The following GMDS variants were observed in gnomAD, a reference collection of about 807,000 sequenced individuals.
The protein encoded by GMDS is GDP-mannose 4,6 dehydratase.
Under a neutral mutation model 49.9 loss-of-function variants are expected in GMDS, and 20 were observed. The ratio of observed to expected loss-of-function variants is 0.40; its 90% CI spans 0.28 to 0.58. The LOEUF (loss-of-function observed/expected upper bound fraction) is 0.58, where lower values mean the gene tolerates loss of function less well. GMDS is among the 20% of genes least tolerant of loss of function. GMDS has a pLI of 0.42. For synonymous variants in GMDS, 177 were observed against 178.6 expected (o/e 0.99, Z 0.07); for missense variants, 362 against 481.4 (o/e 0.75, Z 2.32).
chr6:1,973,159 A>G (rs552155770), intron 4 of GMDS, among the ~76,000 whole-genome samples: 2 of 152,378 alleles, frequency 1.3e-5, no homozygotes, highest in Non-Finnish European at 2.9e-5. Flanking sequence ...CATCATTGCT[A>G]CATAACCAAT....
Position 1,624,147 on chromosome 6 carries a change from G to A in GMDS, c.*22C>T, listed in dbSNP as rs745537117. The A allele has an allele frequency of 2.5e-6, 4 of 1,601,970 alleles. No homozygotes were observed. Among genetic ancestry groups the A allele is most frequent in the South Asian group, 1.1e-5 (1 of 90,998 alleles). On this transcript the variant is annotated 3_prime_UTR_variant, in exon 11 of 11. Coordinates refer to ENST00000380815, the MANE Select transcript of GMDS (RefSeq NM_001500.4). ...TCTGCGGGGATTGTAGCCGGAGGGC[G>A]GGCCGGGCTCCGAGGCGCTGCTCAG... is the stretch of plus-strand genomic sequence containing the variant.
intron 9 of GMDS, among the ~76,000 whole-genome samples, chr6:1,716,562 G>A (rs565379781): frequency 6.6e-6 from 1 of 152,330 alleles, no homozygotes; most frequent in African/African-American, 2.4e-5. Flanking sequence ...GCTTGGAGGT[G>A]AGGCGGTGAA....
intron 1 of GMDS, among the ~76,000 whole-genome samples, chr6:2,210,320 C>T (rs1194081669): frequency 6.6e-6 from 1 of 152,198 alleles, no homozygotes; most frequent in African/African-American, 2.4e-5. Flanking sequence ...GCATAATGCA[C>T]ATAAAATACT....
chr6:1,704,673 G>C (rs141283274), intron 9 of GMDS, among the ~76,000 whole-genome samples: 10 of 152,186 alleles, frequency 6.6e-5, no homozygotes, highest in Non-Finnish European at 1.2e-4. Flanking sequence ...TGTGTAATAC[G>C]TACGCGGTAA....
chr6:1,846,321 G>A (rs542164372), intron 7 of GMDS, among the ~76,000 whole-genome samples: 280 of 151,928 alleles, frequency 1.8e-3, no homozygotes, highest in Non-Finnish European at 3.3e-3. Flanking sequence ...TTGAACTCCT[G>A]GGCTCAAGTG....
intron 9 of GMDS, among the ~76,000 whole-genome samples, chr6:1,723,970 A>AAGAATATTCTCACCCCTGAGGC (rs372943279): frequency 2.4e-4 from 37 of 152,334 alleles, no homozygotes; most frequent in African/African-American, 8.2e-4. Flanking sequence ...TTTCAACTGG[A>AAGAATATTCTCACCCCTGAGGC]AGAATATTCT....
intron 4 of GMDS, among the ~76,000 whole-genome samples, chr6:2,101,371 A>G (rs1035835880): frequency 6.6e-5 from 10 of 152,042 alleles, no homozygotes; most frequent in African/African-American, 2.4e-4. Context: ...GCTTTTCAGA[A>G]GAAAAAACAC....
At chr6:1,920,895 A>C (rs1408949524) in intron 7 of GMDS, among the ~76,000 whole-genome samples, 2 of 152,140 alleles carry the variant, frequency 1.3e-5, no homozygotes, top group African/African-American at 4.8e-5. Context: ...TTAGTGTAAG[A>C]ATTTTCTTAC....
At chr6:1,985,897 G>A (rs1174555556) in intron 4 of GMDS, among the ~76,000 whole-genome samples, 2 of 152,100 alleles carry the variant, frequency 1.3e-5, no homozygotes, top group East Asian at 3.8e-4. Flanking sequence ...GAGGAAAATG[G>A]GCAAGTCAGA....
At chr6:1,782,604 T>A (rs1769147593) in intron 7 of GMDS, among the ~76,000 whole-genome samples, 1 of 152,254 alleles carries the variant, frequency 6.6e-6, no homozygotes, top group Non-Finnish European at 1.5e-5. Flanking sequence ...TGGATAGACA[T>A]GCCTCATGGC....
chr6:2,155,868 C>A (rs1034226779), intron 1 of GMDS, among the ~76,000 whole-genome samples: 1 of 151,986 alleles, frequency 6.6e-6, no homozygotes. Flanking sequence ...TTCTAAATTA[C>A]GTAAATGAAA....
intron 7 of GMDS, among the ~76,000 whole-genome samples, chr6:1,746,655 A>G (rs1299171072): frequency 6.6e-6 from 1 of 152,110 alleles, no homozygotes; most frequent in Admixed American, 6.5e-5. Context: ...CTGTTCTACA[A>G]ATCCAATTTG....
chr6:1,787,261 C>T (rs1769362435), intron 7 of GMDS, among the ~76,000 whole-genome samples: 2 of 152,058 alleles, frequency 1.3e-5, no homozygotes, highest in South Asian at 2.1e-4. Flanking sequence ...GAAAAATGAG[C>T]GAGACATAAA....
intron 3 of GMDS, among the ~76,000 whole-genome samples, 187 bp downstream of exon 3, chr6:2,117,282 G>A (rs1774895991): frequency 1.3e-5 from 2 of 152,056 alleles, no homozygotes; most frequent in South Asian, 2.1e-4. Flanking sequence ...ATGACACTAC[G>A]GCCTAGGGCA....
chr6:2,116,054 T>C (rs1774830217), intron 3 of GMDS, among the ~76,000 whole-genome samples, 174 bp from the exon 4 acceptor site: 2 of 152,204 alleles, frequency 1.3e-5, no homozygotes, highest in South Asian at 2.1e-4. Context: ...ACCTAAATAA[T>C]AGAAAGATAG....
chr6:2,049,298 T>C (rs1195071579), intron 4 of GMDS, among the ~76,000 whole-genome samples: 1 of 152,234 alleles, frequency 6.6e-6, no homozygotes, highest in African/African-American at 2.4e-5. Flanking sequence ...TATGAGAGAT[T>C]TCTTCCTGAG....
chr6:1,919,208 C>A (rs1471443449), intron 7 of GMDS, among the ~76,000 whole-genome samples: 1 of 152,132 alleles, frequency 6.6e-6, no homozygotes, highest in African/African-American at 2.4e-5. Context: ...CCAAGAGAGA[C>A]CGACATGAGA....
intron 7 of GMDS, among the ~76,000 whole-genome samples, chr6:1,847,401 G>A (rs562012327): frequency 6.6e-6 from 1 of 152,258 alleles, no homozygotes; most frequent in Non-Finnish European, 1.5e-5. Context: ...AATCATGGGG[G>A]AACAACAATG....
intron 7 of GMDS, among the ~76,000 whole-genome samples, chr6:1,889,884 A>G (rs915198222): frequency 1.3e-5 from 2 of 152,050 alleles, no homozygotes; most frequent in African/African-American, 2.4e-5. Flanking sequence ...TTTTGGGTCT[A>G]TCTTCTTTTA....
Sources: gnomAD v4.1 joint callset for allele counts (sites outside exome capture counted in the v4.1 genomes callset) on GRCh38, gnomAD v4.1.1 for gene constraint, MANE v1.5 for transcripts, NCBI Gene and HGNC (gene_info 2026-07-23, HGNC 2026-07-21) for gene names.